The following PCDH11X variants were observed in gnomAD, a reference collection of about 807,000 sequenced individuals.
PCDH11X encodes protocadherin 11 X-linked, also known as protocadherin-11 X-linked.
Under a neutral mutation model 53.3 loss-of-function variants are expected in PCDH11X, and 18 were observed. That is an observed-to-expected ratio of 0.34 (90% CI 0.23 to 0.50). The LOEUF (loss-of-function observed/expected upper bound fraction) is 0.50, where lower values mean the gene tolerates loss of function less well. PCDH11X is among the 20% of genes least tolerant of loss of function. The pLI is 0.98. For synonymous variants in PCDH11X, 279 were observed against 393.3 expected (o/e 0.71, Z 3.44); for missense variants, 570 against 1,032.4 (o/e 0.55, Z 6.14).
At chrX:91,913,840 G>C (rs1941467126) in intron 6 of PCDH11X, among the ~76,000 whole-genome samples, 3 of 110,229 alleles carry the variant, frequency 2.7e-5, no homozygotes, top group South Asian at 4.0e-4. Flanking sequence ...CCTGATCCCA[G>C]GAAGGAGAAG....
At chrX:92,539,479 C>G (rs1365871583) in intron 10 of PCDH11X, among the ~76,000 whole-genome samples, 1 of 111,109 alleles carries the variant, frequency 9.0e-6, no homozygotes, top group African/African-American at 3.3e-5. Context: ...ATTTACCTGA[C>G]AGAATTCTGA....
intron 8 of PCDH11X, among the ~76,000 whole-genome samples, chrX:92,298,177 A>G (rs1272061623): frequency 9.0e-6 from 1 of 111,367 alleles, no homozygotes; most frequent in African/African-American, 3.3e-5. Context: ...GATTTCCAGC[A>G]CTGTTTTGAA....
chrX:92,446,947 G>A (rs1323567685), intron 9 of PCDH11X, among the ~76,000 whole-genome samples: 2 of 111,383 alleles, frequency 1.8e-5, no homozygotes, highest in Non-Finnish European at 3.8e-5. Flanking sequence ...AGGAACTGGA[G>A]CAAAAGTGAC....
At chrX:92,052,939 T>C (rs1226104134) in intron 6 of PCDH11X, among the ~76,000 whole-genome samples, 1 of 111,502 alleles carries the variant, frequency 9.0e-6, no homozygotes, top group Non-Finnish European at 1.9e-5. Context: ...CAAAATAAAG[T>C]CATTACATTT....
intron 6 of PCDH11X, among the ~76,000 whole-genome samples, chrX:92,002,568 A>G (rs951653203): frequency 9.1e-6 from 1 of 110,373 alleles, no homozygotes; most frequent in Non-Finnish European, 1.9e-5. Context: ...GCACTCTTCA[A>G]TTTATTTCAT....
chrX:92,034,894 T>C (rs1254292698), intron 6 of PCDH11X, among the ~76,000 whole-genome samples: 1 of 109,925 alleles, frequency 9.1e-6, no homozygotes, highest in African/African-American at 3.3e-5. Context: ...TTTCTTGGTC[T>C]TTAATTTTTG....
chrX:91,917,675 C>T (rs1263212045), intron 6 of PCDH11X, among the ~76,000 whole-genome samples: 15 of 96,152 alleles, frequency 1.6e-4, no homozygotes, highest in Non-Finnish European at 2.9e-4. Context: ...AAGAAATCAT[C>T]GACAACACAA....
At chrX:92,195,603 G>A (rs1267792602) in intron 6 of PCDH11X, among the ~76,000 whole-genome samples, 1 of 110,708 alleles carries the variant, frequency 9.0e-6, no homozygotes, top group Non-Finnish European at 1.9e-5. Flanking sequence ...TTTTTCTCAA[G>A]ATCTCATCAT....
At chrX:92,260,335 C>T (rs771990648) in intron 7 of PCDH11X, among the ~76,000 whole-genome samples, 3 of 110,554 alleles carry the variant, frequency 2.7e-5, no homozygotes, top group African/African-American at 6.6e-5. Context: ...GGGAGGGCGT[C>T]GGCTGAGTTT....
intron 6 of PCDH11X, among the ~76,000 whole-genome samples, chrX:92,184,244 A>C (rs1360370707): frequency 8.9e-6 from 1 of 112,158 alleles, no homozygotes; most frequent in Non-Finnish European, 1.9e-5. Context: ...ACACTGCCAA[A>C]GTCACTGACT....
intron 6 of PCDH11X, among the ~76,000 whole-genome samples, chrX:92,103,375 G>C (rs1413474389): frequency 1.8e-5 from 2 of 111,131 alleles, no homozygotes; most frequent in African/African-American, 6.6e-5. Flanking sequence ...CCCTTGAAAA[G>C]AAGGTAATGT....
intron 10 of PCDH11X, among the ~76,000 whole-genome samples, chrX:92,554,113 C>T (rs1209673562): frequency 6.6e-4 from 67 of 101,328 alleles, no homozygotes; most frequent in African/African-American, 2.3e-3. Flanking sequence ...TTTTCACCAA[C>T]GTATCTCTAT....
At chrX:91,895,809 A>G (rs1940724802) in intron 6 of PCDH11X, among the ~76,000 whole-genome samples, 1 of 107,282 alleles carries the variant, frequency 9.3e-6, no homozygotes, top group African/African-American at 3.3e-5. Flanking sequence ...CATTCCATAT[A>G]TTTACATATT....
chrX:92,484,853 ATT>A (rs964408741), intron 10 of PCDH11X, among the ~76,000 whole-genome samples: 4 of 110,857 alleles, frequency 3.6e-5, no homozygotes, highest in African/African-American at 1.3e-4. Flanking sequence ...TGTAAAAAAA[ATT>A]TTTTTAATGT....
intron 6 of PCDH11X, among the ~76,000 whole-genome samples, chrX:92,099,753 A>G (rs1170265283): frequency 9.0e-6 from 1 of 111,581 alleles, no homozygotes; most frequent in Admixed American, 9.6e-5. Flanking sequence ...TTTCATTGCT[A>G]TGTATCCTGC....
At chrX:92,416,685 G>A (rs772641103) in intron 9 of PCDH11X, among the ~76,000 whole-genome samples, 30 of 110,567 alleles carry the variant, frequency 2.7e-4, no homozygotes, top group South Asian at 1.9e-3. Flanking sequence ...ATCATTTCCC[G>A]TTCTATGCTT....
At chrX:92,441,736 T>C (rs2072519855) in intron 9 of PCDH11X, among the ~76,000 whole-genome samples, 1 of 111,784 alleles carries the variant, frequency 8.9e-6, no homozygotes, top group Non-Finnish European at 1.9e-5. Context: ...GGTAGGGAAA[T>C]GTGGGGTCGG....
intron 6 of PCDH11X, among the ~76,000 whole-genome samples, chrX:92,009,675 C>T (rs2062656354): frequency 9.7e-6 from 1 of 103,401 alleles, no homozygotes; most frequent in South Asian, 4.6e-4. Flanking sequence ...ACCCAGGCCC[C>T]TTGATAAAAA....
intron 6 of PCDH11X, among the ~76,000 whole-genome samples, chrX:92,200,809 A>C (rs1010902267): frequency 1.8e-5 from 2 of 112,540 alleles, no homozygotes; most frequent in East Asian, 5.5e-4. Flanking sequence ...CCTTGAAGCC[A>C]TTAGGTTGCA....
Sources: gnomAD v4.1 joint callset for allele counts (sites outside exome capture counted in the v4.1 genomes callset) on GRCh38, gnomAD v4.1.1 for gene constraint, MANE v1.5 for transcripts, NCBI Gene and HGNC (gene_info 2026-07-23, HGNC 2026-07-21) for gene names.